The following TARM1 variants were observed in gnomAD, a reference collection of about 807,000 sequenced individuals.
TARM1 encodes the protein T-cell-interacting, activating receptor on myeloid cells protein 1.
A neutral mutation model predicts 30.4 loss-of-function variants in TARM1; 24 were observed. That is an observed-to-expected ratio of 0.79 (90% CI 0.57 to 1.11). TARM1 has a LOEUF of 1.11. Ranked by LOEUF, TARM1 falls within the 50% of genes least tolerant of loss-of-function variation. The pLI, the probability that TARM1 is intolerant of heterozygous loss-of-function variation, is 0.00. For synonymous variants in TARM1, 129 were observed against 138.9 expected, an observed-to-expected ratio of 0.93 and a Z score of 0.50; for missense variants, 323 against 332.8, an observed-to-expected ratio of 0.97 and a Z score of 0.23.
At chr19:54,072,777 G>A (rs2071843700) in intron 4 of TARM1, among the ~76,000 whole-genome samples, 1 of 152,016 alleles carries the variant, frequency 6.6e-6, no homozygotes, top group Admixed American at 6.6e-5. Context: ...AGGGGTTCAA[G>A]ACCAGCCTGG....
At chr19:54,072,743 G>A (rs1023528849) in intron 4 of TARM1, among the ~76,000 whole-genome samples, 5 of 152,178 alleles carry the variant, frequency 3.3e-5, no homozygotes, top group Non-Finnish European at 4.4e-5. Context: ...TTGGGAGGCC[G>A]AGGTGAGCGG....
intron 4 of TARM1, among the ~76,000 whole-genome samples, chr19:54,073,363 C>T (rs1167755603): frequency 6.7e-5 from 8 of 118,766 alleles, no homozygotes; most frequent in Admixed American, 3.3e-4. Context: ...GAGCGAAGAT[C>T]GCGCCATTGC....
At chr19:54,074,686 C>T (rs749328783) in intron 3 of TARM1, 138 bp downstream of exon 3, 16 of 915,072 alleles carry the variant, frequency 1.7e-5, no homozygotes, top group Non-Finnish European at 2.6e-5. Context: ...CCAACATATG[C>T]AATTTCGTTC....
In TARM1 at chr19:54,079,849, CA is replaced by C. The variant is rs587632398; in HGVS notation, c.34+1457del. 2.4e-4 allele frequency among the ~76,000 whole-genome samples: 36 copies of C among 151,644 alleles called. No homozygotes were observed. The South Asian group carries it at 7.5e-3, about 32-fold the overall frequency. On this transcript the variant is annotated intron_variant, in intron 1 of 4. Coordinates refer to ENST00000432826, the MANE Select transcript of TARM1 (RefSeq NM_001135686.3). ...GAAACCCCGTCTCTACTAAAAAGTACAAAAAATCAGCCGGGTGTGTGGTGGG... is the reference window on the plus strand; with the variant it reads ...GAAACCCCGTCTCTACTAAAAAGTACAAAAATCAGCCGGGTGTGTGGTGGG...
Position 54,070,136 on chromosome 19 carries a change from T to C in TARM1, c.683A>G (p.Asn228Ser). 6.4e-7 allele frequency: 1 copy of C among 1,550,940 alleles called. No individual in the cohort carries two copies. The highest frequency in any genetic ancestry group is 2.0e-5 in the Admixed American group (1 of 50,984). The change falls in exon 5 of 5, where the codon AAC becomes AGC. Residue 228 changes from asparagine (N) to serine (S), a missense_variant. Physicochemically the swap from Asn to Ser is conservative, Grantham distance 46 (BLOSUM62 1). Coordinates refer to ENST00000432826, the MANE Select transcript of TARM1 (RefSeq NM_001135686.3). ...VTVPPGTTSS[N>S]YSLGNFVRLG... ...TCGTACGAAGTTACCCAGGGAGTAGTTGCTCGATGTGGTACCTGGGGGAAC... is the reference window on the plus strand; with the variant it reads ...TCGTACGAAGTTACCCAGGGAGTAGCTGCTCGATGTGGTACCTGGGGGAAC...
intron 3 of TARM1, among the ~76,000 whole-genome samples, 167 bp from the exon 4 acceptor site, chr19:54,074,383 C>T (rs2071892006): frequency 6.6e-6 from 1 of 152,110 alleles, no homozygotes; most frequent in Non-Finnish European, 1.5e-5. Context: ...GATTCTCCCT[C>T]CTACAAGACC....
At chr19:54,074,766 C>T (rs2146212470) in intron 3 of TARM1, 58 bp downstream of exon 3, 1 of 1,511,620 alleles carries the variant, frequency 6.6e-7, no homozygotes. Context: ...CTCTGTTCCT[C>T]CACTTCCTCC....
chr19:54,075,388 G>A (rs1188890532), intron 2 of TARM1, among the ~76,000 whole-genome samples: 1 of 151,620 alleles, frequency 6.6e-6, no homozygotes, highest in Non-Finnish European at 1.5e-5. Flanking sequence ...GTTTCACCAT[G>A]TTGGCCAGGC....
At chr19:54,075,335 G>A (rs587725883) in intron 2 of TARM1, among the ~76,000 whole-genome samples, 4 of 151,798 alleles carry the variant, frequency 2.6e-5, no homozygotes, top group South Asian at 2.1e-4. Context: ...TTACAGGCAC[G>A]CACCACCACA....
rs2071880793 is a variant in TARM1 at position 54,074,072 on chromosome 19, A to G, written c.506T>C (p.Ile169Thr). The G allele has an allele frequency of 6.4e-7, 1 of 1,551,662 alleles. No homozygotes were observed. Among genetic ancestry groups the G allele is most frequent in the Non-Finnish European group, 8.7e-7 (1 of 1,146,994 alleles). ...ALLKAGTPSP[I>T]QLQSPAGKEI... ...CTTCCCCGCTGGACTCTGCAGCTGG[A>G]TGGGTGATGGCGTCCCTGCCTTCAG... The change falls in exon 4 of 5, where the codon ATC becomes ACC. Residue 169 changes from isoleucine (I) to threonine (T), a missense_variant. Transcript: ENST00000432826.
intron 1 of TARM1, 137 bp downstream of exon 1, chr19:54,081,170 T>C (rs2072121155): frequency 2.6e-6 from 2 of 770,558 alleles, no homozygotes; most frequent in South Asian, 1.6e-5. Context: ...ATGTCTGCAG[T>C]GCACTCAGCA....
rs2071914757 is a variant in TARM1 at position 54,075,080 on chromosome 19, G to A, written c.105C>T (p.Pro35=). The change falls in exon 3 of 5, where the codon CCC becomes CCT. Residue 35 remains proline (P), a synonymous_variant. Coordinates refer to ENST00000432826, the MANE Select transcript of TARM1 (RefSeq NM_001135686.3). ...TGCTGTTGGCAGGGACCACCGAGCT[G>A]GGCCAGGCACTGAGGGACGGCTTGG... ...SLPKPSLSAW[P]SSVVPANSNV... The A allele has an allele frequency of 3.2e-6, 5 of 1,551,440 alleles. No individual in the cohort carries two copies. In the East Asian group the frequency reaches 1.2e-4, roughly 38 times the overall value.
chr19:54,075,605 C>A lies in TARM1; in HGVS notation c.70+278G>T, dbSNP rs1047061600. 2.6e-5 allele frequency among the ~76,000 whole-genome samples: 4 copies of A among 151,316 alleles called. No homozygotes were observed. The South Asian group carries it at 6.3e-4, about 24-fold the overall frequency. On this transcript the variant is annotated intron_variant, in intron 2 of 4. Transcript: ENST00000432826. ...GTCATGAGATCGAGACCATCCTGGCCAACATGGTGAAACTCCGTCTCTACT... is the reference window on the plus strand; with the variant it reads ...GTCATGAGATCGAGACCATCCTGGCAAACATGGTGAAACTCCGTCTCTACT...
intron 1 of TARM1, among the ~76,000 whole-genome samples, chr19:54,079,500 T>C (rs1375584597): frequency 1.3e-5 from 2 of 152,114 alleles, no homozygotes; most frequent in African/African-American, 2.4e-5. Context: ...TAATGCTGAG[T>C]CGGGCAGGTT....
chr19:54,072,320 C>G (rs587690695), intron 4 of TARM1, among the ~76,000 whole-genome samples: 3 of 152,208 alleles, frequency 2.0e-5, no homozygotes, highest in East Asian at 3.9e-4. Context: ...TGTAATGTAA[C>G]TCATTACAGC....
chr19:54,079,109 A>G (rs1261898509), intron 1 of TARM1, among the ~76,000 whole-genome samples: 2 of 150,596 alleles, frequency 1.3e-5, no homozygotes, highest in African/African-American at 4.9e-5. Flanking sequence ...AAAAAAAAAA[A>G]AAAACTTAGC....
In TARM1 at chr19:54,074,996, T is replaced by C; in HGVS notation, c.189A>G (p.Gly63=). The change falls in exon 3 of 5, where the codon GGA becomes GGG. Residue 63 remains glycine, a synonymous_variant. Coordinates refer to ENST00000432826, the MANE Select transcript of TARM1 (RefSeq NM_001135686.3). The part of the protein sequence containing the change: ...ARGVSFVLRK[G]GIILESPKPL... ...GCTTCGGGGACTCCAGAATAATTCC[T>C]CCCTTCCTGAGAACAAAGCTCACAC... 1.3e-6 allele frequency: 2 copies of C among 1,551,456 alleles called. No individual in the cohort carries two copies. The highest frequency in any genetic ancestry group is 1.2e-5 in the South Asian group (1 of 84,030).
At chr19:54,071,964 GGGC>G (rs2071823584) in intron 4 of TARM1, among the ~76,000 whole-genome samples, 1 of 152,092 alleles carries the variant, frequency 6.6e-6, no homozygotes. Context: ...AGGCCCAAGC[GGGC>G]AGATCACGAG....
Position 54,074,166 on chromosome 19 carries a change from C to A in TARM1, c.412G>T (p.Ala138Ser). The change falls in exon 4 of 5, where the codon GCA (alanine) becomes TCA (serine). Residue 138 changes from alanine (A) to serine (S), a missense_variant. Physicochemically the swap from Ala to Ser is moderately conservative, Grantham distance 99. Transcript: ENST00000432826. ...CACTGCAGAGTCACCCTTCCACCTG[C>A]GGTCACTGTACCCCTTTGGTAGGTT... ...LRTYQRGTVT[A>S]GGRVTLQCQK... 1.3e-6 allele frequency: 2 copies of A among 1,551,672 alleles called. No individual in the cohort carries two copies. The highest frequency in any genetic ancestry group is 1.7e-6 in the Non-Finnish European group (2 of 1,146,994).
Sources: gnomAD v4.1 joint callset for allele counts (sites outside exome capture counted in the v4.1 genomes callset) on GRCh38, gnomAD v4.1.1 for gene constraint, MANE v1.5 for transcripts, NCBI Gene and HGNC (gene_info 2026-07-23, HGNC 2026-07-21) for gene names.